Variants in CARMIL1 observed in about 807,000 individuals in gnomAD.
CARMIL1 encodes the protein capping protein regulator and myosin 1 linker 1.
In CARMIL1, 90 loss-of-function variants were observed where a neutral mutation model predicts 177.1. That is an observed-to-expected ratio of 0.51 (90% CI 0.43 to 0.61). The LOEUF is 0.61. Ranked by LOEUF, CARMIL1 falls within the 20% of genes least tolerant of loss-of-function variation. The probability of loss-of-function intolerance (pLI) is 0.00; values close to 1 mark genes in which losing one functional copy is unlikely to be tolerated. For missense variants in CARMIL1, 1,380 were observed against 1,667.0 expected, an observed-to-expected ratio of 0.83 and a Z score of 3.00; for synonymous variants, 577 against 606.2, an observed-to-expected ratio of 0.95 and a Z score of 0.71.
intron 5 of CARMIL1, among the ~76,000 whole-genome samples, 196 bp from the exon 6 acceptor site, chr6:25,449,702 T>G (rs1798590874): frequency 6.6e-6 from 1 of 152,140 alleles, no homozygotes; most frequent in South Asian, 2.1e-4. Flanking sequence ...CAAAGGAAAG[T>G]TATAGGGATT....
At chr6:25,590,011 A>G (rs1367336022) in intron 31 of CARMIL1, among the ~76,000 whole-genome samples, 1 of 152,194 alleles carries the variant, frequency 6.6e-6, no homozygotes, top group Non-Finnish European at 1.5e-5. Context: ...TTGCATCTTA[A>G]TGGCCAGAAA....
Position 25,515,892 on chromosome 6 carries a change from A to T in CARMIL1, c.1805+45A>T. On this transcript the variant is annotated intron_variant, in intron 21 of 36. Coordinates refer to ENST00000329474, the MANE Select transcript of CARMIL1 (RefSeq NM_017640.6). This position sits in a 1 kb window ranked among gnomAD's most constrained non-coding sequence, Gnocchi z 5.0. ...CCTGCTCATGAGGAAGGCTTGGAGC[A>T]GATTCCGAACAGCAAGCATTGCAGA... 1 of 1,543,274 alleles carries T rather than the reference A, an allele frequency of 6.5e-7. No homozygotes were observed. The highest frequency in any genetic ancestry group is 8.8e-7 in the Non-Finnish European group (1 of 1,142,030).
chr6:25,451,986 G>GGGGGGGGC, intron 8 of CARMIL1: 2 of 117,218 alleles, frequency 1.7e-5, no homozygotes, highest in East Asian at 1.9e-4. Flanking sequence ...CTAGCATCTT[G>GGGGGGGGC]CCCCCCCCTC....
chr6:25,574,035 T>C lies in CARMIL1; in HGVS notation c.2743-6889T>C, dbSNP rs1455836376. ...ACAACTCCGAGTTACTTCAAGAAAC[T>C]TTAAAGTTTCTTTCCATGTGTTGTA... On this transcript the variant is annotated intron_variant, in intron 29 of 36. Coordinates refer to ENST00000329474, the MANE Select transcript of CARMIL1 (RefSeq NM_017640.6). 1.3e-5 allele frequency among the ~76,000 whole-genome samples: 2 copies of C among 152,164 alleles called. 1 individual carries two copies. Among genetic ancestry groups the C allele is most frequent in the Non-Finnish European group, 2.9e-5 (2 of 68,034 alleles).
chr6:25,430,532 C>T (rs9348679), intron 4 of CARMIL1, among the ~76,000 whole-genome samples: 33,175 of 151,160 alleles, frequency 0.22, 3,783 homozygotes, highest in East Asian at 0.26. Flanking sequence ...CGGGACCAAG[C>T]GATCCTCTCA....
intron 2 of CARMIL1, among the ~76,000 whole-genome samples, chr6:25,317,499 C>T (rs1412973435): frequency 6.7e-6 from 1 of 148,994 alleles, no homozygotes; most frequent in Non-Finnish European, 1.5e-5. Flanking sequence ...TTTTCATCTT[C>T]CAGGAAATTC....
intron 2 of CARMIL1, among the ~76,000 whole-genome samples, chr6:25,292,095 G>T (rs1209283987): frequency 2.0e-5 from 3 of 152,154 alleles, no homozygotes; most frequent in Admixed American, 1.3e-4. Flanking sequence ...TAAAATGTTT[G>T]TAGACTGCAA....
chr6:25,281,921 C>T (rs1164047413), intron 1 of CARMIL1, among the ~76,000 whole-genome samples: 1 of 151,952 alleles, frequency 6.6e-6, no homozygotes, highest in Non-Finnish European at 1.5e-5. Flanking sequence ...TGGAGACCAG[C>T]CTGACCAACA....
rs772070832 is a variant in CARMIL1, at chr6:25,606,259, C to A, written c.3833C>A (p.Thr1278Asn). ...ARPVIPQKPR[T>N]ASRPDDIPDS... ...CCCGTCATCCCGCAGAAACCAAGAACCGCCTCACGGCCTGGTAAGAGTTTT... is the reference window on the plus strand; with the variant it reads ...CCCGTCATCCCGCAGAAACCAAGAAACGCCTCACGGCCTGGTAAGAGTTTT... The change falls in exon 35 of 37, where the codon ACC becomes AAC. Residue 1278 changes from threonine to asparagine, a missense_variant. Thr to Asn is a moderately conservative substitution (Grantham distance 65). Coordinates refer to ENST00000329474, the MANE Select transcript of CARMIL1 (RefSeq NM_017640.6). The A allele has an allele frequency of 1.2e-6, 2 of 1,613,504 alleles. No homozygotes were observed. Among genetic ancestry groups the A allele is most frequent in the Admixed American group, 3.3e-5 (2 of 59,992 alleles).
chr6:25,420,258 A>G (rs1795735400), intron 3 of CARMIL1, 94 bp downstream of exon 3: 1 of 1,094,730 alleles, frequency 9.1e-7, no homozygotes, highest in Admixed American at 1.7e-5. Context: ...GTGCACACAT[A>G]TTCCTTCATA....
At chr6:25,314,369 A>G (rs181058325) in intron 2 of CARMIL1, among the ~76,000 whole-genome samples, 5,773 of 148,824 alleles carry the variant, frequency 0.039, 175 homozygotes, top group Non-Finnish European at 0.065. Flanking sequence ...GCTACTTGGG[A>G]GGCTGAGGCA....
intron 35 of CARMIL1, among the ~76,000 whole-genome samples, chr6:25,608,722 T>C (rs1204936191): frequency 2.0e-5 from 3 of 152,226 alleles, no homozygotes; most frequent in African/African-American, 7.2e-5. Context: ...TGGATAGTGT[T>C]ATCTTCACAT....
At chr6:25,449,484 G>C (rs756688637) in intron 5 of CARMIL1, among the ~76,000 whole-genome samples, 4 of 152,178 alleles carry the variant, frequency 2.6e-5, no homozygotes, top group Non-Finnish European at 5.9e-5. Flanking sequence ...AGTATGACTT[G>C]ATCAGTTTCT....
At chr6:25,421,316 A>G (rs1319464734) in intron 3 of CARMIL1, among the ~76,000 whole-genome samples, 1 of 152,114 alleles carries the variant, frequency 6.6e-6, no homozygotes, top group Non-Finnish European at 1.5e-5. Context: ...AATCAAAACC[A>G]CAATGAGATA....
intron 23 of CARMIL1, 114 bp from the exon 24 acceptor site, chr6:25,528,681 G>T: frequency 2.7e-6 from 2 of 753,480 alleles, no homozygotes; most frequent in Admixed American, 4.1e-5. Context: ...GCACTGGCAG[G>T]ATGTGTATAT....
chr6:25,387,931 C>T (rs953980676), intron 2 of CARMIL1, among the ~76,000 whole-genome samples: 5 of 151,986 alleles, frequency 3.3e-5, no homozygotes, highest in African/African-American at 9.7e-5. Flanking sequence ...TGGACTCTGT[C>T]ATTTTGGGTA....
intron 2 of CARMIL1, among the ~76,000 whole-genome samples, chr6:25,311,315 G>GAATA (rs1395369043): frequency 6.6e-6 from 1 of 152,184 alleles, no homozygotes; most frequent in Non-Finnish European, 1.5e-5. Flanking sequence ...AAAGGTAGGA[G>GAATA]AATAGGAGAG....
intron 35 of CARMIL1, among the ~76,000 whole-genome samples, chr6:25,607,788 T>G (rs983710308): frequency 6.6e-6 from 1 of 152,196 alleles, no homozygotes; most frequent in African/African-American, 2.4e-5. Flanking sequence ...TCCCTGGTCT[T>G]CATAGCCCAT....
chr6:25,600,545 T>C lies in CARMIL1; in HGVS notation c.3351T>C (p.Asn1117=). 1 of 1,613,928 alleles carries C rather than the reference T, an allele frequency of 6.2e-7. No homozygotes were observed. Among genetic ancestry groups the C allele is most frequent in the Non-Finnish European group, 8.5e-7 (1 of 1,179,864 alleles). The change falls in exon 33 of 37, where the codon AAT becomes AAC. Residue 1117 remains asparagine, a synonymous_variant. Transcript: ENST00000329474. The part of the protein sequence containing the change: ...PRKDTKAAEH[N]GNSERIEEIK... Reference sequence around the variant, plus strand: ...AGGACACAAAGGCCGCCGAGCACAATGGCAATTCTGAACGGATAGAGGAGA... The same window carrying C: ...AGGACACAAAGGCCGCCGAGCACAACGGCAATTCTGAACGGATAGAGGAGA...
Sources: allele counts gnomAD v4.1 joint callset (sites outside exome capture counted in the v4.1 genomes callset), GRCh38; gene constraint gnomAD v4.1.1; non-coding constraint Gnocchi (gnomAD v3.1); transcripts MANE v1.5; gene names NCBI Gene and HGNC (gene_info 2026-07-23, HGNC 2026-07-21).